ZC3HC1: variants seen among roughly 807,000 people sequenced by gnomAD.
The protein encoded by ZC3HC1 is zinc finger C3HC-type protein 1.
In ZC3HC1, 38 loss-of-function variants were observed where a neutral mutation model predicts 61.9. That is an observed-to-expected ratio of 0.61 (90% CI 0.47 to 0.81). The LOEUF is 0.81. Among genes scored for constraint, ZC3HC1 ranks in the 30% least tolerant of loss-of-function variants. The pLI, the probability that ZC3HC1 is intolerant of heterozygous loss-of-function variation, is 0.00. For missense variants in ZC3HC1, 554 were observed against 622.7 expected (o/e 0.89, Z 1.17); for synonymous variants, 213 against 229.9 (o/e 0.93, Z 0.67).
intron 1 of ZC3HC1, 125 bp from the exon 2 acceptor site, chr7:130,049,269 C>G (rs781601122): frequency 1.5e-5 from 8 of 548,544 alleles, no homozygotes; most frequent in Non-Finnish European, 2.1e-5. Context: ...TCCTAAAAAT[C>G]ATTTTACTCA....
intron 4 of ZC3HC1, among the ~76,000 whole-genome samples, chr7:130,030,870 G>A (rs981180655): frequency 2.7e-5 from 4 of 150,502 alleles, no homozygotes; most frequent in Admixed American, 6.6e-5. Flanking sequence ...GGGTTTCACC[G>A]TGTTAGCCAG....
chr7:130,044,023 T>C (rs1794778265), intron 2 of ZC3HC1: 1 of 356,650 alleles, frequency 2.8e-6, no homozygotes, highest in Non-Finnish European at 5.4e-6. Flanking sequence ...TTTTTTAAAA[T>C]ATAGAGAGAA....
rs768273845 is a variant in ZC3HC1 at position 130,051,099 on chromosome 7, C to G, written c.146+122G>C. 876 of 1,301,392 alleles carry G rather than the reference C, an allele frequency of 6.7e-4. 3 individuals are homozygous for G. The highest frequency in any genetic ancestry group is 1.8e-3 in the Admixed American group (67 of 37,380). The allele number at this position is 1,301,392 out of a possible 1,614,324, so 80.6% of individuals were successfully genotyped here. A position where few individuals can be genotyped will look rare whatever the true frequency, so the allele number is the denominator to read the frequency against. ...TAGTAACCAGAGTTTCTTTCAGATT[C>G]TAAGAAGCCATCCCCACTGCCCGAG... On this transcript the variant is annotated intron_variant, in intron 1 of 9. Transcript: ENST00000358303.
intron 2 of ZC3HC1, among the ~76,000 whole-genome samples, chr7:130,046,974 C>G (rs983190495): frequency 6.8e-6 from 1 of 146,932 alleles, no homozygotes. Context: ...TCTTTTTTTT[C>G]TTTTTGAGAT....
chr7:130,025,893 A>G (rs1043023542), intron 6 of ZC3HC1, among the ~76,000 whole-genome samples: 1 of 150,158 alleles, frequency 6.7e-6, no homozygotes, highest in African/African-American at 2.4e-5. Context: ...AAAAAAAAAA[A>G]AGAGAACACA....
intron 3 of ZC3HC1, among the ~76,000 whole-genome samples, chr7:130,040,049 A>G (rs542047604): frequency 5.4e-4 from 82 of 151,844 alleles, no homozygotes; most frequent in African/African-American, 1.9e-3. Context: ...AGAGCATTCC[A>G]AAGTGTGAGA....
intron 3 of ZC3HC1, 118 bp downstream of exon 3, chr7:130,040,833 A>G (rs1794627951): frequency 8.7e-7 from 1 of 1,146,740 alleles, no homozygotes; most frequent in Non-Finnish European, 1.2e-6. Flanking sequence ...AGATTAAAAA[A>G]AAAGATTGAA....
chr7:130,049,926 A>G (rs1424220567), intron 1 of ZC3HC1, among the ~76,000 whole-genome samples: 1 of 25,388 alleles, frequency 3.9e-5, no homozygotes, highest in African/African-American at 6.9e-5. Flanking sequence ...CACTCCTTCC[A>G]AAAAAAAAAG....
intron 2 of ZC3HC1, among the ~76,000 whole-genome samples, 191 bp from the exon 3 acceptor site, chr7:130,041,292 A>G (rs1214499420): frequency 1.3e-5 from 2 of 151,850 alleles, no homozygotes; most frequent in East Asian, 3.9e-4. Flanking sequence ...GGTTCAAGCA[A>G]TTCTCCCACC....
At chr7:130,050,308 A>G in intron 1 of ZC3HC1, 2 of 904,198 alleles carry the variant, frequency 2.2e-6, no homozygotes, top group South Asian at 3.2e-5. Flanking sequence ...TGATCTCCTG[A>G]CCTCGTGATC....
intron 1 of ZC3HC1, among the ~76,000 whole-genome samples, chr7:130,049,746 T>G (rs1226905614): frequency 6.6e-6 from 1 of 151,904 alleles, no homozygotes; most frequent in East Asian, 1.9e-4. Context: ...CAGACGGGGT[T>G]TCACCATGTT....
chr7:130,049,003 G>C (rs944712874), intron 2 of ZC3HC1, 30 bp downstream of exon 2: 1 of 1,540,724 alleles, frequency 6.5e-7, no homozygotes, highest in Admixed American at 1.9e-5. Context: ...CAGGCAGAAA[G>C]TGCAATTCAC....
At chr7:130,046,227 T>C (rs1305730952) in intron 2 of ZC3HC1, among the ~76,000 whole-genome samples, 2 of 152,158 alleles carry the variant, frequency 1.3e-5, no homozygotes, top group Non-Finnish European at 2.9e-5. Flanking sequence ...TGGATTGATC[T>C]GTGCAGTAAA....
chr7:130,049,278 C>A, intron 1 of ZC3HC1, 134 bp from the exon 2 acceptor site: 1 of 524,968 alleles, frequency 1.9e-6, no homozygotes, highest in East Asian at 3.3e-5. Context: ...TCATTTTACT[C>A]ATGTCATTCC....
At chr7:130,034,484 CAAAAAAAAAAA>C (rs35780865) in intron 4 of ZC3HC1, among the ~76,000 whole-genome samples, 9 of 62,274 alleles carry the variant, frequency 1.4e-4, no homozygotes, top group African/African-American at 5.3e-4. Flanking sequence ...GACTCCGTCT[CAAAAAAAAAAA>C]AAAAAAAAAA....
At chr7:130,031,587 T>G (rs144277670) in intron 4 of ZC3HC1, among the ~76,000 whole-genome samples, 1 of 152,186 alleles carries the variant, frequency 6.6e-6, no homozygotes, top group East Asian at 1.9e-4. Context: ...GCAGTATGAG[T>G]TGGAGCAAGT....
intron 4 of ZC3HC1, among the ~76,000 whole-genome samples, chr7:130,030,057 A>G (rs1794105530): frequency 6.6e-6 from 1 of 152,194 alleles, no homozygotes; most frequent in South Asian, 2.1e-4. Flanking sequence ...TATCTCTGGC[A>G]TTACCCAATT....
chr7:130,041,131 AATATATAT>A (rs375888799), intron 2 of ZC3HC1, 30 bp from the exon 3 acceptor site: 168 of 1,370,796 alleles, frequency 1.2e-4, no homozygotes, highest in Admixed American at 4.8e-4. Context: ...CAACACAGCA[AATATATAT>A]ATATATGTGT....
At chr7:130,034,672 A>T (rs888059987) in intron 4 of ZC3HC1, among the ~76,000 whole-genome samples, 6 of 151,414 alleles carry the variant, frequency 4.0e-5, no homozygotes, top group South Asian at 2.1e-4. Flanking sequence ...ATTTTAAAAA[A>T]TTTTTTCTTT....
Sources: allele counts gnomAD v4.1 joint callset (sites outside exome capture counted in the v4.1 genomes callset), GRCh38; gene constraint gnomAD v4.1.1; transcripts MANE v1.5; gene names NCBI Gene and HGNC (gene_info 2026-07-23, HGNC 2026-07-21).